SLC17A1: variants seen among roughly 807,000 people sequenced by gnomAD.
The protein encoded by SLC17A1 is sodium-dependent phosphate transport protein 1.
A neutral mutation model predicts 53.5 loss-of-function variants in SLC17A1; 51 were observed. The observed-to-expected ratio is 0.95, with a 90% CI of 0.76 to 1.20. The LOEUF (loss-of-function observed/expected upper bound fraction) is 1.20, where lower values mean the gene tolerates loss of function less well. Ranked by LOEUF, SLC17A1 falls within the 50% of genes most tolerant of loss-of-function variation. The probability of loss-of-function intolerance (pLI) is 0.00; values close to 1 mark genes in which losing one functional copy is unlikely to be tolerated. For missense variants in SLC17A1, 538 were observed against 568.2 expected, an observed-to-expected ratio of 0.95 and a Z score of 0.54; for synonymous variants, 179 against 198.8, an observed-to-expected ratio of 0.90 and a Z score of 0.84.
chr6:25,769,924 A>G, the SLC17A1 span: 49 of 716,458 alleles, frequency 6.8e-5, no homozygotes, highest in Non-Finnish European at 1.1e-4. Flanking sequence ...GGGTTTTTAA[A>G]TACATGATAC....
the SLC17A1 span, chr6:25,770,195 T>A: frequency 6.2e-7 from 1 of 1,614,102 alleles, no homozygotes; most frequent in Non-Finnish European, 8.5e-7. Flanking sequence ...ATGTGGTTGG[T>A]GCTGGCTTGT....
At chr6:25,816,459 G>C (rs1292290706) in intron 6 of SLC17A1, among the ~76,000 whole-genome samples, 1 of 152,258 alleles carries the variant, frequency 6.6e-6, no homozygotes, top group Admixed American at 6.5e-5. Flanking sequence ...TAGAAGCAGA[G>C]CCATGGGCTC....
rs77398860 is a variant in SLC17A1, at chr6:25,790,947, A to T, written c.*3-7729T>A. ...AGTTTTTTCAGTTAAAAAATTAAAT[A>T]TATTCAAATGATATCTTTCCAATAT... On this transcript the variant is annotated intron_variant, in intron 12 of 12. Coordinates refer to ENST00000244527, the MANE Select transcript of SLC17A1 (RefSeq NM_005074.5). Among the ~76,000 whole-genome samples the T allele has an allele frequency of 5.7e-3, 863 of 152,326 alleles. 7 individuals are homozygous for T. Among genetic ancestry groups the T allele is most frequent in the African/African-American group, 0.02 (835 of 41,574 alleles).
the SLC17A1 span, chr6:25,726,063 T>G: frequency 3.5e-4 from 482 of 1,357,754 alleles, 2 homozygotes; most frequent in Admixed American, 4.1e-4. Flanking sequence ...TCTGAGACGG[T>G]AGGTGGCTCT....
the SLC17A1 span, among the ~76,000 whole-genome samples, chr6:25,741,640 C>A: frequency 6.6e-6 from 1 of 151,980 alleles, no homozygotes; most frequent in East Asian, 1.9e-4. Context: ...CGCTTGGACC[C>A]AGGAGGCAGA....
chr6:25,787,905 A>C (rs923923804), intron 12 of SLC17A1, among the ~76,000 whole-genome samples: 9 of 152,154 alleles, frequency 5.9e-5, no homozygotes, highest in Non-Finnish European at 7.3e-5. Context: ...TTTCCTCTGG[A>C]AATGGAGATC....
chr6:25,804,718 G>C (rs941631361), intron 10 of SLC17A1, among the ~76,000 whole-genome samples: 1 of 152,058 alleles, frequency 6.6e-6, no homozygotes, highest in East Asian at 1.9e-4. Flanking sequence ...GAAACCAAAA[G>C]TGAGCAGGAG....
the SLC17A1 span, among the ~76,000 whole-genome samples, chr6:25,725,211 C>T: frequency 6.6e-6 from 1 of 152,132 alleles, no homozygotes; most frequent in Non-Finnish European, 1.5e-5. Flanking sequence ...ATATACTCTT[C>T]CAAATTTCTA....
rs376390839 is a variant in SLC17A1 at position 25,826,073 on chromosome 6, A to T, written c.207+388T>A. On this transcript the variant is annotated intron_variant, in intron 3 of 12. Coordinates refer to ENST00000244527, the MANE Select transcript of SLC17A1 (RefSeq NM_005074.5). ...TACATCTTCTGGTAGATAACAACTG[A>T]TTATCTTCCAGAGATGAAATTAATG... Among the ~76,000 whole-genome samples the T allele has an allele frequency of 8.5e-5, 13 of 152,182 alleles. No individual in the cohort carries two copies. In the South Asian group the frequency reaches 2.7e-3, roughly 32 times the overall value.
chr6:25,768,323 G>T, the SLC17A1 span: 1 of 971,782 alleles, frequency 1.0e-6, no homozygotes, highest in Non-Finnish European at 1.2e-6. Context: ...TTACCTCTGG[G>T]ATTTCTCTAC....
intron 3 of SLC17A1, among the ~76,000 whole-genome samples, chr6:25,821,106 G>A (rs1382598935): frequency 6.6e-6 from 1 of 152,080 alleles, no homozygotes; most frequent in Non-Finnish European, 1.5e-5. Flanking sequence ...GCATAATTAG[G>A]AGGAACATAT....
At chr6:25,788,587 C>T (rs990548861) in intron 12 of SLC17A1, among the ~76,000 whole-genome samples, 2 of 152,106 alleles carry the variant, frequency 1.3e-5, no homozygotes, top group African/African-American at 4.8e-5. Context: ...GGGTGACAGC[C>T]TCGCCCACTG....
the SLC17A1 span, chr6:25,769,003 A>G: frequency 3.7e-5 from 59 of 1,613,884 alleles, no homozygotes; most frequent in Non-Finnish European, 2.8e-5. Flanking sequence ...TCAGTCCGAC[A>G]TGGGCTGGCC....
At chr6:25,798,677 C>T (rs1192157898) in intron 12 of SLC17A1, 106 bp downstream of exon 12, 1 of 1,079,230 alleles carries the variant, frequency 9.3e-7, no homozygotes, top group Non-Finnish European at 1.3e-6. Flanking sequence ...CTCCTCTTCT[C>T]CAAACCTGCA....
At chr6:25,759,904 C>A in the SLC17A1 span, among the ~76,000 whole-genome samples, 5 of 152,128 alleles carry the variant, frequency 3.3e-5, no homozygotes, top group African/African-American at 9.7e-5. Context: ...TTTAACTATG[C>A]AAATATTAAA....
At chr6:25,799,736 G>A (rs1763698680) in intron 11 of SLC17A1, among the ~76,000 whole-genome samples, 1 of 152,122 alleles carries the variant, frequency 6.6e-6, no homozygotes, top group African/African-American at 2.4e-5. Flanking sequence ...CCACATCTTG[G>A]ATGTTTGCAG....
At chr6:25,726,946 A>AG in the SLC17A1 span, 2 of 1,613,910 alleles carry the variant, frequency 1.2e-6, no homozygotes. Context: ...ACCATTTCCA[A>AG]GAAGGGCTTT....
At chr6:25,743,671 C>T in the SLC17A1 span, among the ~76,000 whole-genome samples, 1 of 143,594 alleles carries the variant, frequency 7.0e-6, no homozygotes, top group Non-Finnish European at 1.5e-5. Context: ...GCTTGCAATG[C>T]CAGTATAGTT....
the SLC17A1 span, among the ~76,000 whole-genome samples, chr6:25,760,739 T>TA: frequency 6.6e-6 from 1 of 152,196 alleles, no homozygotes; most frequent in African/African-American, 2.4e-5. Context: ...TCATTAGCTA[T>TA]GTCTAGTCAC....
Sources: allele counts gnomAD v4.1 joint callset (sites outside exome capture counted in the v4.1 genomes callset), GRCh38; gene constraint gnomAD v4.1.1; transcripts MANE v1.5; gene names NCBI Gene and HGNC (gene_info 2026-07-23, HGNC 2026-07-21).